Variants in PID1 observed in about 807,000 individuals in gnomAD.
The protein encoded by PID1 is PTB-containing, cubilin and LRP1-interacting protein.
In PID1, 10 loss-of-function variants were observed where a neutral mutation model predicts 19.1. The observed-to-expected ratio is 0.52, with a 90% CI of 0.32 to 0.89. The LOEUF (loss-of-function observed/expected upper bound fraction) is 0.89, where lower values mean the gene tolerates loss of function less well. PID1 is among the 40% of genes least tolerant of loss of function. The pLI is 0.03. For missense variants in PID1, 248 were observed against 285.3 expected, an observed-to-expected ratio of 0.87 and a Z score of 0.94; for synonymous variants, 130 against 116.0, an observed-to-expected ratio of 1.12 and a Z score of -0.78.
chr2:229,261,734 A>T (rs915752207), intron 1 of PID1, among the ~76,000 whole-genome samples: 5 of 152,238 alleles, frequency 3.3e-5, no homozygotes, highest in Non-Finnish European at 7.3e-5. Flanking sequence ...TTTTAAGACC[A>T]GAATGACTCT....
At position 229,068,511 on chromosome 2, in the gene PID1, G is replaced by C. The variant is rs567794899; in HGVS notation, c.178-42403C>G. Among the ~76,000 whole-genome samples the C allele has an allele frequency of 4.6e-5, 7 of 152,212 alleles. No individual in the cohort carries two copies. The East Asian group carries it at 9.7e-4, about 21-fold the overall frequency. ...AAAAATTGACAAGTAATTCAATTAG[G>C]GTGTCAAGGTTCCTTTCCACTACGT... On this transcript the variant is annotated intron_variant, in intron 2 of 2. Transcript: ENST00000392055.
intron 2 of PID1, among the ~76,000 whole-genome samples, chr2:229,027,609 G>A (rs1218381966): frequency 6.6e-6 from 1 of 152,204 alleles, no homozygotes; most frequent in Non-Finnish European, 1.5e-5. Context: ...ACTGATGACA[G>A]AAGGCCTCAG....
intron 1 of PID1, among the ~76,000 whole-genome samples, chr2:229,241,162 G>A (rs924477147): frequency 1.3e-5 from 2 of 152,006 alleles, no homozygotes; most frequent in African/African-American, 4.8e-5. Flanking sequence ...TAAAGCATTT[G>A]CTATTCCCAC....
chr2:229,204,903 G>A (rs1691576177), intron 1 of PID1, among the ~76,000 whole-genome samples: 6 of 152,180 alleles, frequency 3.9e-5, no homozygotes, highest in Admixed American at 3.9e-4. Context: ...GATTTATGGT[G>A]TGAAACTTCT....
At chr2:229,141,590 T>A (rs1690012440) in intron 2 of PID1, among the ~76,000 whole-genome samples, 1 of 152,056 alleles carries the variant, frequency 6.6e-6, no homozygotes, top group African/African-American at 2.4e-5. Flanking sequence ...CTAGCACTGC[T>A]CATAAGTGTC....
Position 229,271,021 on chromosome 2 carries a change from C to T in PID1, c.23G>A (p.Arg8His), listed in dbSNP as rs1227094341. The change falls in exon 1 of 3, where the codon CGC (arginine) becomes CAC (histidine). Residue 8 changes from arginine to histidine, a missense_variant. Arg to His is a conservative substitution (Grantham distance 29). Coordinates refer to ENST00000392055, the MANE Select transcript of PID1 (RefSeq NM_001100818.2). ...CTCCCGGGTGCCCCTTACCTGCAGG[C>T]GCTCCGTGGCCGGCTGCCACATCTT... MWQPATE[R>H]LQHFQTMLKS... 1.3e-6 allele frequency: 2 copies of T among 1,542,880 alleles called. No homozygotes were observed. The highest frequency in any genetic ancestry group is 2.0e-5 in the Admixed American group (1 of 50,384).
At chr2:229,106,115 T>G (rs187483617) in intron 2 of PID1, among the ~76,000 whole-genome samples, 9 of 135,036 alleles carry the variant, frequency 6.7e-5, no homozygotes, top group African/African-American at 8.3e-5. Context: ...AAGAAAGAAA[T>G]AAACAGAGGC....
intron 1 of PID1, among the ~76,000 whole-genome samples, chr2:229,241,555 T>A (rs963430166): frequency 6.6e-6 from 1 of 152,018 alleles, no homozygotes; most frequent in Non-Finnish European, 1.5e-5. Flanking sequence ...AGAGCACAGG[T>A]TTTTAAGAGG....
chr2:229,167,541 G>A (rs538673245), intron 1 of PID1, among the ~76,000 whole-genome samples: 20 of 152,084 alleles, frequency 1.3e-4, no homozygotes, highest in African/African-American at 4.1e-4. Flanking sequence ...CTTCAAAAAC[G>A]TTACAGTTAT....
chr2:229,114,665 A>G (rs1479766607), intron 2 of PID1, among the ~76,000 whole-genome samples: 2 of 152,110 alleles, frequency 1.3e-5, no homozygotes, highest in Non-Finnish European at 2.9e-5. Context: ...ACTTTATTAT[A>G]TCCTCTGTGC....
chr2:229,245,644 A>G (rs1689981786), intron 1 of PID1, among the ~76,000 whole-genome samples: 1 of 152,166 alleles, frequency 6.6e-6, no homozygotes, highest in African/African-American at 2.4e-5. Flanking sequence ...CTGATAAAAA[A>G]TACTTGAACG....
chr2:229,079,180 T>C lies in PID1; in HGVS notation c.178-53072A>G, dbSNP rs929661103. On this transcript the variant is annotated intron_variant, in intron 2 of 2. Transcript: ENST00000392055. ...CAAATTTACTCATCAAAGACCAGGA[T>C]GAGTATCGGTCTAAGTCGGGGCTGA... Among the ~76,000 whole-genome samples, 7 of 152,172 alleles carry C rather than the reference T, an allele frequency of 4.6e-5. 1 individual carries two copies. Among genetic ancestry groups the C allele is most frequent in the Admixed American group, 3.3e-4 (5 of 15,282 alleles).
chr2:229,075,569 T>C (rs1694541351), intron 2 of PID1, among the ~76,000 whole-genome samples: 1 of 152,190 alleles, frequency 6.6e-6, no homozygotes, highest in Non-Finnish European at 1.5e-5. Flanking sequence ...ACTTGAATCA[T>C]GTTTGCAATC....
chr2:229,220,459 C>T (rs772517677), intron 1 of PID1, among the ~76,000 whole-genome samples: 13 of 152,130 alleles, frequency 8.5e-5, no homozygotes, highest in Non-Finnish European at 1.9e-4. Flanking sequence ...ATGGGTTGGA[C>T]GTCAGGACTC....
chr2:229,138,978 TAGA>T (rs1233849532), intron 2 of PID1, among the ~76,000 whole-genome samples: 5 of 65,718 alleles, frequency 7.6e-5, no homozygotes, highest in Non-Finnish European at 1.3e-4. Context: ...TAGAAAAAAA[TAGA>T]AGAAAGAAAG....
chr2:229,210,461 G>A (rs1691704639), intron 1 of PID1, among the ~76,000 whole-genome samples: 2 of 137,888 alleles, frequency 1.5e-5, no homozygotes, highest in South Asian at 4.7e-4. Context: ...AGCTTGCAGT[G>A]AGCTGAGATC....
intron 1 of PID1, among the ~76,000 whole-genome samples, chr2:229,252,257 A>C (rs773683269): frequency 5.3e-5 from 8 of 152,236 alleles, no homozygotes; most frequent in Non-Finnish European, 8.8e-5. Flanking sequence ...GCAAGAAAGG[A>C]AGAAAGTTGT....
chr2:229,197,841 A>C (rs906098161), intron 1 of PID1, among the ~76,000 whole-genome samples: 1 of 152,028 alleles, frequency 6.6e-6, no homozygotes, highest in African/African-American at 2.4e-5. Flanking sequence ...GGGTCATCAT[A>C]ATTTTCCTTT....
At chr2:229,124,252 T>C (rs1695579499) in intron 2 of PID1, among the ~76,000 whole-genome samples, 1 of 152,220 alleles carries the variant, frequency 6.6e-6, no homozygotes, top group Non-Finnish European at 1.5e-5. Context: ...CTGCATTAGA[T>C]GGATATTAGC....
Sources: allele counts gnomAD v4.1 joint callset (sites outside exome capture counted in the v4.1 genomes callset), GRCh38; gene constraint gnomAD v4.1.1; transcripts MANE v1.5; gene names NCBI Gene and HGNC (gene_info 2026-07-23, HGNC 2026-07-21).